SLC66A3: variants seen among roughly 807,000 people sequenced by gnomAD.
The protein encoded by SLC66A3 is solute carrier family 66 member 3.
Under a neutral mutation model 25.5 loss-of-function variants are expected in SLC66A3, and 23 were observed. The observed-to-expected ratio is 0.90, with a 90% CI of 0.65 to 1.28. The LOEUF (loss-of-function observed/expected upper bound fraction) is 1.28, where lower values mean the gene tolerates loss of function less well. SLC66A3 is among the 50% of genes most tolerant of loss of function. The probability of loss-of-function intolerance (pLI) is 0.00; values close to 1 mark genes in which losing one functional copy is unlikely to be tolerated. For missense variants in SLC66A3, 246 were observed against 262.1 expected, an observed-to-expected ratio of 0.94 and a Z score of 0.42; for synonymous variants, 108 against 112.6, an observed-to-expected ratio of 0.96 and a Z score of 0.26.
At chr2:11,158,360 A>G (rs2147981002) in intron 1 of SLC66A3, among the ~76,000 whole-genome samples, 1 of 152,208 alleles carries the variant, frequency 6.6e-6, no homozygotes. Context: ...TCTACTAAAA[A>G]CACAAAAATT....
chr2:11,162,251 C>T (rs1179440604), intron 3 of SLC66A3, among the ~76,000 whole-genome samples: 3 of 152,178 alleles, frequency 2.0e-5, no homozygotes, highest in Non-Finnish European at 2.9e-5. Context: ...GCTGTTTCCC[C>T]GAGTGGCAAG....
chr2:11,163,527 G>A (rs1662197051), intron 3 of SLC66A3, among the ~76,000 whole-genome samples: 1 of 152,204 alleles, frequency 6.6e-6, no homozygotes, highest in Admixed American at 6.5e-5. Context: ...AGTCTCTTGA[G>A]TCGGTGCTAC....
chr2:11,170,779 C>T (rs58275781), intron 4 of SLC66A3, among the ~76,000 whole-genome samples: 4,074 of 151,538 alleles, frequency 0.027, 86 homozygotes, highest in East Asian at 0.055. Flanking sequence ...TTAGTAGAGA[C>T]GGGGTTTCAC....
intron 1 of SLC66A3, among the ~76,000 whole-genome samples, chr2:11,158,513 T>C (rs1350514620): frequency 6.6e-6 from 1 of 152,190 alleles, no homozygotes; most frequent in African/African-American, 2.4e-5. Context: ...ATACAAAAAA[T>C]TAGCTGGGCG....
intron 1 of SLC66A3, among the ~76,000 whole-genome samples, chr2:11,155,920 T>C (rs908274): frequency 0.75 from 114,109 of 152,150 alleles, 43,387 homozygotes; most frequent in East Asian, 0.99. Flanking sequence ...CACGAATTGA[T>C]TGCGCACGCC....
chr2:11,168,649 C>T (rs1431664391), intron 4 of SLC66A3, among the ~76,000 whole-genome samples: 2 of 152,102 alleles, frequency 1.3e-5, no homozygotes, highest in East Asian at 1.9e-4. Flanking sequence ...GCGAGCCCTC[C>T]CCTGCAGTCC....
At chr2:11,175,054 TTG>T in intron 6 of SLC66A3, 45 bp downstream of exon 6, 1 of 1,418,698 alleles carries the variant, frequency 7.0e-7, no homozygotes, top group South Asian at 1.2e-5. Context: ...TTTGTGCTAT[TTG>T]TGTCTCCTTC....
chr2:11,156,368 C>T (rs1661901362), intron 1 of SLC66A3, among the ~76,000 whole-genome samples: 1 of 152,172 alleles, frequency 6.6e-6, no homozygotes, highest in African/African-American at 2.4e-5. Flanking sequence ...GCCAGAGCGC[C>T]AAACTTTTGG....
intron 1 of SLC66A3, among the ~76,000 whole-genome samples, chr2:11,157,285 G>C (rs1661941052): frequency 1.3e-5 from 2 of 152,352 alleles, no homozygotes; most frequent in African/African-American, 4.8e-5. Flanking sequence ...TGGGGCAGCA[G>C]CTTGCTGCCA....
chr2:11,177,149 G>A (rs1359845285), intron 6 of SLC66A3, among the ~76,000 whole-genome samples: 3 of 152,046 alleles, frequency 2.0e-5, no homozygotes, highest in Non-Finnish European at 4.4e-5. Flanking sequence ...GATGAGTAAA[G>A]GGATTTTTAA....
intron 1 of SLC66A3, among the ~76,000 whole-genome samples, chr2:11,159,664 T>C (rs369645213): frequency 5.9e-5 from 9 of 152,094 alleles, no homozygotes; most frequent in African/African-American, 1.9e-4. Context: ...CCGGCTCCCC[T>C]TTCTTCCTGA....
chr2:11,173,977 C>CA (rs1376089920), intron 5 of SLC66A3, among the ~76,000 whole-genome samples: 2 of 152,162 alleles, frequency 1.3e-5, no homozygotes, highest in East Asian at 3.8e-4. Context: ...TTTTTTGAGA[C>CA]AGAGTTTCGC....
rs565358991 is a variant in SLC66A3 at position 11,155,779 on chromosome 2, G to A, written c.143+90G>A. ...GGAGAGCCTCGGCTCGAAGTAGGGC[G>A]GGGATGATCCCCGCGCGCCGGCGTC... On this transcript the variant is annotated intron_variant, in intron 1 of 6. Transcript: ENST00000295083. 1.0e-4 allele frequency: 120 copies of A among 1,200,832 alleles called. No homozygotes were observed. In the African/African-American group the frequency reaches 1.8e-3, roughly 18 times the overall value. 74.4% of individuals were successfully genotyped at this position (1,200,832 alleles called of 1,614,324 possible). A position where few individuals can be genotyped will look rare whatever the true frequency, so the allele number is the denominator to read the frequency against.
rs148560718 is a variant in SLC66A3 at position 11,166,252 on chromosome 2, C to A, written c.354+1991C>A. On this transcript the variant is annotated intron_variant, in intron 4 of 6. Transcript: ENST00000295083. ...GTTCATAATGGCATGTTGGCCTTGT[C>A]CTGGAGAGGGGCTGACTTTTTTTCA... 7.2e-3 allele frequency among the ~76,000 whole-genome samples: 1,092 copies of A among 152,246 alleles called. 16 individuals carry two copies. The highest frequency in any genetic ancestry group is 0.025 in the African/African-American group (1,036 of 41,546).
intron 1 of SLC66A3, among the ~76,000 whole-genome samples, chr2:11,157,112 C>G (rs1257351482): frequency 6.6e-6 from 1 of 152,204 alleles, no homozygotes; most frequent in Non-Finnish European, 1.5e-5. Context: ...CCTGCATTTC[C>G]ACCACTTTTG....
intron 3 of SLC66A3, 114 bp downstream of exon 3, chr2:11,160,808 A>G: frequency 7.0e-7 from 1 of 1,428,946 alleles, no homozygotes; most frequent in African/African-American, 1.5e-5. Context: ...AACTAAAAAA[A>G]AAAAAAAAAA....
At position 11,178,362 on chromosome 2, in the gene SLC66A3, T is replaced by C. The variant is rs1662843443; in HGVS notation, c.*534T>C. 1 of 152,756 alleles carries C rather than the reference T, an allele frequency of 6.5e-6. No homozygotes were observed. Among genetic ancestry groups the C allele is most frequent in the Admixed American group, 6.5e-5 (1 of 15,288 alleles). 9.5% of individuals were successfully genotyped at this position (152,756 alleles called of 1,614,324 possible). On this transcript the variant is annotated 3_prime_UTR_variant, in exon 7 of 7. Transcript: ENST00000295083. The stretch of plus-strand genomic sequence containing the variant: ...TACGGTATTATACCCGCATGTGCTC[T>C]AGCAAGGATACCAAGGCAAGCATAC...
intron 1 of SLC66A3, among the ~76,000 whole-genome samples, chr2:11,156,843 C>T (rs12185728): frequency 0.17 from 25,180 of 151,970 alleles, 2,482 homozygotes; most frequent in Non-Finnish European, 0.22. Context: ...GGGCAGCATG[C>T]GTTTCAGGTT....
chr2:11,157,985 C>T (rs997262300), intron 1 of SLC66A3, among the ~76,000 whole-genome samples: 3 of 152,216 alleles, frequency 2.0e-5, no homozygotes, highest in Admixed American at 1.3e-4. Context: ...ACGGTGGACC[C>T]TTAGGCTGTA....
Sources: gnomAD v4.1 joint callset for allele counts (sites outside exome capture counted in the v4.1 genomes callset) on GRCh38, gnomAD v4.1.1 for gene constraint, MANE v1.5 for transcripts, NCBI Gene and HGNC (gene_info 2026-07-23, HGNC 2026-07-21) for gene names.